The following KLF13 variants were observed in gnomAD, a reference collection of about 807,000 sequenced individuals.
KLF13 encodes the protein Krueppel-like factor 13.
Under a neutral mutation model 16.7 loss-of-function variants are expected in KLF13, and 8 were observed. The ratio of observed to expected loss-of-function variants is 0.48; its 90% confidence interval spans 0.28 to 0.87. KLF13 has a LOEUF of 0.87. KLF13 is among the 40% of genes least tolerant of loss of function. KLF13 has a pLI of 0.10. For synonymous variants in KLF13, 245 were observed against 208.4 expected (o/e 1.18, Z -1.51); for missense variants, 447 against 452.2 (o/e 0.99, Z 0.10).
intron 1 of KLF13, among the ~76,000 whole-genome samples, chr15:31,341,008 G>A (rs987566344): frequency 6.6e-6 from 1 of 152,168 alleles, no homozygotes; most frequent in African/African-American, 2.4e-5. Flanking sequence ...CTGACAATTT[G>A]GGCTCTGGAC....
chr15:31,422,436 CTTATAAAACCA>C (rs1216675598), intron 1 of KLF13, among the ~76,000 whole-genome samples: 4 of 152,066 alleles, frequency 2.6e-5, no homozygotes, highest in Non-Finnish European at 5.9e-5. Context: ...ACGGTAGATG[CTTATAAAACCA>C]TCAGATCTCC....
At position 31,377,761 on chromosome 15, in the gene KLF13, G is replaced by A. The variant is rs952811265; in HGVS notation, c.*5462G>A. 7 of 152,560 alleles carry A rather than the reference G, an allele frequency of 4.6e-5. No homozygotes were observed. The East Asian group carries it at 1.3e-3, about 29-fold the overall frequency. 9.5% of individuals were successfully genotyped at this position (152,560 alleles called of 1,614,324 possible). A position where few individuals can be genotyped will look rare whatever the true frequency, so the allele number is the denominator to read the frequency against. On this transcript the variant is annotated 3_prime_UTR_variant, in exon 2 of 2. Transcript: ENST00000307145. ...TCGGATAAAACTTTGTATGTATTTT[G>A]TATGGCATAGATTCTATATTGTAAT...
At position 31,372,614 on chromosome 15, in the gene KLF13, ATT is replaced by A. The variant is rs964540064; in HGVS notation, c.*317_*318del. 1 of 336,770 alleles carries A rather than the reference ATT, an allele frequency of 3.0e-6. No individual in the cohort carries two copies. Among genetic ancestry groups the A allele is most frequent in the Admixed American group, 4.6e-5 (1 of 21,894 alleles). 20.9% of individuals were successfully genotyped at this position (336,770 alleles called of 1,614,324 possible). ...TCCTGCCGCCTTACTCTGTACATAG[ATT>A]TGCACTCTGGAGTTTTCTGTTAGGT... On this transcript the variant is annotated 3_prime_UTR_variant, in exon 2 of 2. Transcript: ENST00000307145.
At chr15:31,369,187 G>T (rs80308240) in intron 1 of KLF13, among the ~76,000 whole-genome samples, 1,589 of 152,298 alleles carry the variant, frequency 0.01, 32 homozygotes, top group African/African-American at 0.036. Context: ...TGCACACTGT[G>T]TGCATTCCAA....
intron 1 of KLF13, among the ~76,000 whole-genome samples, chr15:31,352,926 G>A (rs1208346991): frequency 6.6e-6 from 1 of 152,168 alleles, no homozygotes; most frequent in Non-Finnish European, 1.5e-5. Context: ...TCTTGACCGT[G>A]GAGCATGACG....
At chr15:31,364,740 T>G (rs115079284) in intron 1 of KLF13, among the ~76,000 whole-genome samples, 1 of 152,200 alleles carries the variant, frequency 6.6e-6, no homozygotes, top group Non-Finnish European at 1.5e-5. Flanking sequence ...CAGCTCACTC[T>G]CTCCTCCTGG....
intron 1 of KLF13, among the ~76,000 whole-genome samples, chr15:31,435,196 G>T (rs113292050): frequency 2.0e-5 from 3 of 152,148 alleles, no homozygotes; most frequent in South Asian, 2.1e-4. Flanking sequence ...TGTTCCGAGG[G>T]GCCTTTGTCA....
chr15:31,382,208 A>G (rs1368852372), downstream of KLF13, among the ~76,000 whole-genome samples: 1 of 152,126 alleles, frequency 6.6e-6, no homozygotes, highest in Non-Finnish European at 1.5e-5. Flanking sequence ...GCTGTCCCAC[A>G]TTGCACTCCC....
At chr15:31,408,232 C>G (rs1440436234), downstream of KLF13, among the ~76,000 whole-genome samples, 1 of 152,138 alleles carries the variant, frequency 6.6e-6, no homozygotes, top group East Asian at 1.9e-4. Flanking sequence ...TCATATGTTG[C>G]ATATAATATA....
At chr15:31,349,102 C>T (rs921432655) in intron 1 of KLF13, among the ~76,000 whole-genome samples, 8 of 152,188 alleles carry the variant, frequency 5.3e-5, no homozygotes, top group African/African-American at 9.7e-5. Context: ...TAGTGCCCAG[C>T]GTTCTTGCCT....
chr15:31,356,864 G>A (rs1487409225), intron 1 of KLF13, among the ~76,000 whole-genome samples: 1 of 152,182 alleles, frequency 6.6e-6, no homozygotes, highest in Non-Finnish European at 1.5e-5. Flanking sequence ...CGTGTGTGGA[G>A]GTGCTTGGCC....
intron 1 of KLF13, among the ~76,000 whole-genome samples, chr15:31,362,077 G>A (rs1050137281): frequency 6.6e-6 from 1 of 152,154 alleles, no homozygotes; most frequent in Non-Finnish European, 1.5e-5. Flanking sequence ...ATCCACCTGG[G>A]CTAATTTTCA....
At chr15:31,379,871 T>C (rs1448495142), downstream of KLF13, among the ~76,000 whole-genome samples, 3 of 152,170 alleles carry the variant, frequency 2.0e-5, no homozygotes, top group African/African-American at 7.2e-5. Context: ...GTCAGGTTTG[T>C]GGCAGTTAGG....
At chr15:31,380,380 G>A (rs2039709147), downstream of KLF13, among the ~76,000 whole-genome samples, 1 of 152,230 alleles carries the variant, frequency 6.6e-6, no homozygotes, top group South Asian at 2.1e-4. Context: ...AGGCATTCAA[G>A]CAGGGGCTGA....
chr15:31,327,519 C>T lies in KLF13; in HGVS notation c.307C>T (p.Pro103Ser), dbSNP rs2038735316. ...CCCCTGCCGCCTGCCGCCGCCCGCC[C>T]CCGAGCCCACCTCCCCCGGCGCCGA... is the stretch of plus-strand genomic sequence containing the variant. ...RTPCRLPPPA[P>S]EPTSPGAEGA... The change falls in exon 1 of 2, where the codon CCC (proline) becomes TCC (serine). Residue 103 changes from proline to serine, a missense_variant. Pro to Ser is a moderately conservative substitution (Grantham distance 74). Coordinates refer to ENST00000307145, the MANE Select transcript of KLF13 (RefSeq NM_015995.4). 4 of 1,126,702 alleles carry T rather than the reference C, an allele frequency of 3.6e-6. No individual in the cohort carries two copies. The East Asian group carries it at 1.4e-4, about 39-fold the overall frequency. The allele number at this position is 1,126,702 out of a possible 1,614,324, so 69.8% of individuals were successfully genotyped here.
chr15:31,367,135 A>AC (rs1224798978), intron 1 of KLF13, among the ~76,000 whole-genome samples: 1 of 152,062 alleles, frequency 6.6e-6, no homozygotes, highest in African/African-American at 2.4e-5. Flanking sequence ...TCCCGCCTCC[A>AC]CCCGTTCTCC....
upstream of KLF13, among the ~76,000 whole-genome samples, chr15:31,388,347 C>T (rs1435609694): frequency 6.6e-6 from 1 of 152,112 alleles, no homozygotes; most frequent in Non-Finnish European, 1.5e-5. Context: ...TGTGGTGGCT[C>T]ACGCCTGTAA....
chr15:31,372,457 A>C lies in KLF13; in HGVS notation c.*158A>C. 1.2e-6 allele frequency: 1 copy of C among 854,850 alleles called. No homozygotes were observed. Among genetic ancestry groups the C allele is most frequent in the South Asian group, 2.6e-5 (1 of 38,940 alleles). 53.0% of individuals were successfully genotyped at this position (854,850 alleles called of 1,614,324 possible). On this transcript the variant is annotated 3_prime_UTR_variant, in exon 2 of 2. Coordinates refer to ENST00000307145, the MANE Select transcript of KLF13 (RefSeq NM_015995.4). ...AGTAAATTTGTTAAAAAAACAAAAAAAACACAAAAATTTCAAAAAACACCA... is the reference window on the plus strand; with the variant it reads ...AGTAAATTTGTTAAAAAAACAAAAACAACACAAAAATTTCAAAAAACACCA...
chr15:31,352,935 C>T (rs532320711), intron 1 of KLF13, among the ~76,000 whole-genome samples: 3 of 152,196 alleles, frequency 2.0e-5, no homozygotes, highest in East Asian at 1.9e-4. Context: ...TGGAGCATGA[C>T]GAGGCTGGAC....
Sources: gnomAD v4.1 joint callset for allele counts (sites outside exome capture counted in the v4.1 genomes callset) on GRCh38, gnomAD v4.1.1 for gene constraint, MANE v1.5 for transcripts, NCBI Gene and HGNC (gene_info 2026-07-23, HGNC 2026-07-21) for gene names.